MS4A18: variants seen among roughly 807,000 people sequenced by gnomAD.
MS4A18 encodes membrane spanning 4-domains A18.
Under a neutral mutation model 13.1 loss-of-function variants are expected in MS4A18, and 27 were observed. That is an observed-to-expected ratio of 2.06 (90% confidence interval 1.52 to 2.84). MS4A18 has a LOEUF of 2.84. MS4A18 is among the 30% of genes most tolerant of loss of function. The pLI, the probability that MS4A18 is intolerant of heterozygous loss-of-function variation, is 0.00. For missense variants in MS4A18, 307 were observed against 196.4 expected, an observed-to-expected ratio of 1.56 and a Z score of -3.37; for synonymous variants, 126 against 76.5, an observed-to-expected ratio of 1.65 and a Z score of -3.38.
chr11:60,733,417 C>A, intron 1 of MS4A18, 117 bp from the exon 3 acceptor site: 2 of 664,764 alleles, frequency 3.0e-6, no homozygotes, highest in South Asian at 1.7e-5. Flanking sequence ...CTGGGATGAG[C>A]CCCCAACACC....
chr11:60,742,639 C>T (rs1407676531), intron 5 of MS4A18, among the ~76,000 whole-genome samples: 1 of 152,190 alleles, frequency 6.6e-6, no homozygotes, highest in Non-Finnish European at 1.5e-5. Flanking sequence ...TAGACACATC[C>T]TTGTTTGATC....
At chr11:60,728,649 G>A (rs2134672736), upstream of MS4A18, among the ~76,000 whole-genome samples, 1 of 151,858 alleles carries the variant, frequency 6.6e-6, no homozygotes, top group Admixed American at 6.6e-5. Flanking sequence ...CTGTCTGTCT[G>A]TGTCTATGTG....
chr11:60,731,657 C>T (rs1005722002), intron 1 of MS4A18, among the ~76,000 whole-genome samples: 4 of 152,134 alleles, frequency 2.6e-5, no homozygotes, highest in African/African-American at 9.7e-5. Context: ...CAGTAATTCT[C>T]GATTACTAAA....
At position 60,729,373 on chromosome 11, in the gene MS4A18, GT is replaced by G. The variant is rs959147916; in HGVS notation, c.60del (p.His21ThrfsTer20). ...ACCTGGCATTATTGCCCCAGATAAT[GT>G]TCACGTCATCCAGCCCAGCAACCCT... On this transcript the variant is annotated frameshift_variant, in exon 1 of 6. Coordinates refer to ENST00000529108, the Ensembl canonical transcript of MS4A18. LOFTEE classifies it high-confidence loss of function. The G allele has an allele frequency of 2.8e-6, 2 of 702,784 alleles. No individual in the cohort carries two copies. Among genetic ancestry groups the G allele is most frequent in the Non-Finnish European group, 5.2e-6 (2 of 384,830 alleles). 43.5% of individuals were successfully genotyped at this position (702,784 alleles called of 1,614,324 possible).
intron 4 of MS4A18, among the ~76,000 whole-genome samples, chr11:60,740,317 C>T (rs528630944): frequency 8.5e-5 from 13 of 152,078 alleles, no homozygotes; most frequent in Non-Finnish European, 1.6e-4. Context: ...CCCTTCCACC[C>T]TACTGTGGGC....
downstream of MS4A18, chr11:60,744,296 C>A: frequency 6.1e-6 from 2 of 330,188 alleles, no homozygotes; most frequent in South Asian, 7.1e-5. Flanking sequence ...GTTGAAAAAC[C>A]GGTTCTAAAT....
upstream of MS4A18, among the ~76,000 whole-genome samples, chr11:60,725,989 C>T (rs1048921367): frequency 1.3e-5 from 2 of 152,240 alleles, no homozygotes; most frequent in African/African-American, 4.8e-5. Flanking sequence ...AAGTGGCTCA[C>T]ACTGCCTGCA....
chr11:60,734,784 CTTTT>C (rs546950110), intron 2 of MS4A18, among the ~76,000 whole-genome samples: 2 of 138,828 alleles, frequency 1.4e-5, no homozygotes, highest in Non-Finnish European at 1.6e-5. Flanking sequence ...CTTTTCTTTT[CTTTT>C]TTTTTTTTTT....
upstream of MS4A18, among the ~76,000 whole-genome samples, chr11:60,728,760 A>G (rs923679414): frequency 8.8e-5 from 13 of 148,078 alleles, no homozygotes; most frequent in African/African-American, 3.3e-4. Context: ...TCCCTCCCCC[A>G]ATGCTTCTCA....
chr11:60,738,238 C>A (rs760469697), intron 3 of MS4A18, among the ~76,000 whole-genome samples: 1 of 152,114 alleles, frequency 6.6e-6, no homozygotes, highest in East Asian at 1.9e-4. Context: ...ATGAATAATT[C>A]GAGGACTTCA....
chr11:60,738,837 C>T, intron 3 of MS4A18, 65 bp from the exon 5 acceptor site: 1 of 690,076 alleles, frequency 1.4e-6, no homozygotes, highest in Non-Finnish European at 2.6e-6. Flanking sequence ...CCCAAGAGTC[C>T]CCACAAGCCA....
intron 3 of MS4A18, among the ~76,000 whole-genome samples, chr11:60,737,761 G>C (rs888564614): frequency 6.6e-6 from 1 of 152,106 alleles, no homozygotes; most frequent in Non-Finnish European, 1.5e-5. Flanking sequence ...TGTATGGCTT[G>C]TCGTCTTTCT....
upstream of MS4A18, chr11:60,729,162 G>GA (rs1327291150): frequency 1.2e-5 from 7 of 600,226 alleles, no homozygotes; most frequent in African/African-American, 1.3e-4. Flanking sequence ...TTCTTGCCAA[G>GA]AAAGGCAAGA....
intron 5 of MS4A18, among the ~76,000 whole-genome samples, chr11:60,743,117 A>G (rs890952116): frequency 2.0e-5 from 3 of 152,202 alleles, no homozygotes. Flanking sequence ...GTGTTGGATT[A>G]TTGTTATCTT....
At chr11:60,734,215 C>T (rs1413177446) in intron 2 of MS4A18, among the ~76,000 whole-genome samples, 1 of 152,052 alleles carries the variant, frequency 6.6e-6, no homozygotes, top group Non-Finnish European at 1.5e-5. Flanking sequence ...ATGATCACAC[C>T]ACTGCACTCC....
chr11:60,742,259 G>C (rs1412570849), intron 5 of MS4A18, among the ~76,000 whole-genome samples: 1 of 152,086 alleles, frequency 6.6e-6, no homozygotes, highest in Non-Finnish European at 1.5e-5. Flanking sequence ...TTTTTCATAA[G>C]GAAAGGCCTG....
chr11:60,743,583 A>C (rs1003987744), intron 5 of MS4A18, 67 bp from the exon 7 acceptor site: 3 of 664,482 alleles, frequency 4.5e-6, no homozygotes, highest in African/African-American at 3.5e-5. Flanking sequence ...AAGGAAGAAA[A>C]AAATTATGGC....
chr11:60,735,029 C>T (rs1471952282), intron 2 of MS4A18, among the ~76,000 whole-genome samples: 2 of 151,958 alleles, frequency 1.3e-5, no homozygotes, highest in Non-Finnish European at 2.9e-5. Context: ...GTGATCTGCC[C>T]CCCTTGGCTT....
intron 2 of MS4A18, among the ~76,000 whole-genome samples, chr11:60,736,571 TC>T (rs1353943142): frequency 6.6e-6 from 1 of 152,140 alleles, no homozygotes; most frequent in Non-Finnish European, 1.5e-5. Flanking sequence ...ACCACACTGC[TC>T]AGCCCCTGGT....
Sources: allele counts gnomAD v4.1 joint callset (sites outside exome capture counted in the v4.1 genomes callset), GRCh38; gene constraint gnomAD v4.1.1; transcripts MANE v1.5; gene names NCBI Gene and HGNC (gene_info 2026-07-23, HGNC 2026-07-21).